LINGO1: variants seen among roughly 807,000 people sequenced by gnomAD.
LINGO1 encodes the protein leucine-rich repeat and immunoglobulin-like domain-containing nogo receptor-interacting protein 1.
In LINGO1, 11 loss-of-function variants were observed where a neutral mutation model predicts 37.3. That is an observed-to-expected ratio of 0.29 (90% CI 0.19 to 0.49). LINGO1 has a LOEUF of 0.49. LINGO1 is among the 20% of genes least tolerant of loss of function. The probability of loss-of-function intolerance (pLI) is 0.99; values close to 1 mark genes in which losing one functional copy is unlikely to be tolerated. For synonymous variants in LINGO1, 387 were observed against 403.0 expected (o/e 0.96, Z 0.48); for missense variants, 585 against 878.2 (o/e 0.67, Z 4.22).
chr15:77,642,034 G>C (rs2074518779), intron 3 of LINGO1: 1 of 456,192 alleles, frequency 2.2e-6, no homozygotes, highest in South Asian at 1.5e-5. Context: ...GGAGGGTTGT[G>C]GGAAGGGTTC....
intron 3 of LINGO1, among the ~76,000 whole-genome samples, chr15:77,645,944 G>A (rs1359832798): frequency 3.3e-5 from 5 of 152,214 alleles, no homozygotes; most frequent in African/African-American, 1.2e-4. Context: ...CGGTGTGGCT[G>A]GCAGCCCAGG....
At position 77,764,646 on chromosome 15, in the gene LINGO1, G is replaced by C. The variant is rs140316204; in HGVS notation, c.-257+22223C>G. ...CCACAATCCTTCACTCATTAAGTTG[G>C]TGGACAGCTAAAAAGCCAGAGAGTG... On this transcript the variant is annotated intron_variant, in intron 1 of 3. Transcript: ENST00000561686. Among the ~76,000 whole-genome samples, 25 of 152,302 alleles carry C rather than the reference G, an allele frequency of 1.6e-4. No homozygotes were observed. In the East Asian group the frequency reaches 4.6e-3, roughly 28 times the overall value.
chr15:77,748,984 T>C (rs941195882), intron 1 of LINGO1, among the ~76,000 whole-genome samples: 5 of 147,012 alleles, frequency 3.4e-5, no homozygotes, highest in Non-Finnish European at 7.4e-5. Flanking sequence ...ATTGGCTCAC[T>C]GCAACCTCTG....
chr15:77,794,354 ATATATGTGTATATACATACG>A (rs1274228488), intron 2 of LINGO1, among the ~76,000 whole-genome samples: 1 of 103,112 alleles, frequency 9.7e-6, no homozygotes, highest in Non-Finnish European at 1.9e-5. Flanking sequence ...ATATATACGT[ATATATGTGTATATACATACG>A]TATATGTATA....
intron 3 of LINGO1, among the ~76,000 whole-genome samples, chr15:77,656,318 ACTCT>A (rs533605352): frequency 2.5e-3 from 377 of 147,848 alleles, no homozygotes; most frequent in African/African-American, 9.2e-3. Context: ...GCTGCCTCTG[ACTCT>A]CTCTCTCTCC....
intron 1 of LINGO1, among the ~76,000 whole-genome samples, chr15:77,626,623 C>T (rs1348281683): frequency 6.6e-6 from 1 of 152,208 alleles, no homozygotes; most frequent in Non-Finnish European, 1.5e-5. Flanking sequence ...GAACTGGCAC[C>T]TCTGCAAATC....
upstream of LINGO1, among the ~76,000 whole-genome samples, chr15:77,636,656 A>G (rs1371442544): frequency 6.6e-6 from 1 of 152,022 alleles, no homozygotes; most frequent in African/African-American, 2.4e-5. Flanking sequence ...CCCTGGGCCA[A>G]AGTTTCCCCA....
chr15:77,626,787 C>T (rs747415184), intron 1 of LINGO1, among the ~76,000 whole-genome samples: 1 of 152,080 alleles, frequency 6.6e-6, no homozygotes, highest in African/African-American at 2.4e-5. Flanking sequence ...AGGTCTGCCT[C>T]GGTAGTAAGT....
At chr15:77,777,589 C>T (rs1382512341) in intron 1 of LINGO1, among the ~76,000 whole-genome samples, 6 of 152,086 alleles carry the variant, frequency 3.9e-5, no homozygotes, top group African/African-American at 1.4e-4. Context: ...TGTAACAAAT[C>T]GCCACACACT....
At chr15:77,808,458 C>A (rs879320697) in intron 1 of LINGO1, among the ~76,000 whole-genome samples, 1 of 152,164 alleles carries the variant, frequency 6.6e-6, no homozygotes, top group Non-Finnish European at 1.5e-5. Context: ...GCCCTAGACC[C>A]GAATGCTGGC....
In LINGO1 at chr15:77,614,718, C is replaced by T. The variant is rs774411634; in HGVS notation, c.1189G>A (p.Ala397Thr). 9.3e-6 allele frequency: 15 copies of T among 1,607,218 alleles called. No homozygotes were observed. The highest frequency in any genetic ancestry group is 6.7e-5 in the African/African-American group (5 of 74,810). The stretch of plus-strand genomic sequence containing the variant: ...TTGCCCTGGACAAACTCGGGCGTGG[C>T]GCACGTGGGCTGCTGCCGGTTGAAG... ...LNFNRQQPTC[A>T]TPEFVQGKEF... Residue 397 changes from alanine to threonine, a missense_variant, in exon 2 of 2, where the codon GCC becomes ACC. Ala to Thr is a moderately conservative substitution (Grantham distance 58). Coordinates refer to ENST00000355300, the MANE Select transcript of LINGO1 (RefSeq NM_032808.7).
At chr15:77,798,196 T>A (rs559655670) in intron 1 of LINGO1, among the ~76,000 whole-genome samples, 13 of 152,120 alleles carry the variant, frequency 8.5e-5, no homozygotes, top group Admixed American at 6.5e-4. Flanking sequence ...GACACAGGGG[T>A]AGCAGAGCCT....
At chr15:77,753,487 G>T (rs935573596) in intron 1 of LINGO1, among the ~76,000 whole-genome samples, 11 of 152,214 alleles carry the variant, frequency 7.2e-5, no homozygotes, top group African/African-American at 2.7e-4. Flanking sequence ...CCCTCCCTGG[G>T]GCTGGTGGGC....
At chr15:77,724,140 C>T (rs1393142217) in intron 2 of LINGO1, among the ~76,000 whole-genome samples, 3 of 152,198 alleles carry the variant, frequency 2.0e-5, no homozygotes, top group Non-Finnish European at 4.4e-5. Flanking sequence ...GGGCCCCTTC[C>T]TCTTATCCAA....
In LINGO1 at chr15:77,618,232, C is replaced by T. The variant is rs139240517; in HGVS notation, c.7-2332G>A. Among the ~76,000 whole-genome samples the T allele has an allele frequency of 9.8e-5, 15 of 152,354 alleles. No homozygotes were observed. The East Asian group carries it at 2.5e-3, about 25-fold the overall frequency. On this transcript the variant is annotated intron_variant, in intron 1 of 1. Coordinates refer to ENST00000355300, the MANE Select transcript of LINGO1 (RefSeq NM_032808.7). ...GGGCTAGTGAGGACACGGGCCACCC[C>T]GAGGTGCTGGTAAGCCCCTCTTATA... is the stretch of plus-strand genomic sequence containing the variant.
chr15:77,812,695 A>G (rs11072676), intron 1 of LINGO1, among the ~76,000 whole-genome samples: 111,302 of 152,198 alleles, frequency 0.73, 41,284 homozygotes, highest in African/African-American at 0.78. Context: ...GGCCAGGCTC[A>G]CCTCCGTGGA....
intron 1 of LINGO1, among the ~76,000 whole-genome samples, chr15:77,628,571 G>T (rs2074161056): frequency 6.6e-6 from 1 of 152,176 alleles, no homozygotes; most frequent in Non-Finnish European, 1.5e-5. Flanking sequence ...ACATAATTTA[G>T]AGTAGTCATT....
chr15:77,803,451 AACAG>A (rs1345105063), intron 1 of LINGO1, among the ~76,000 whole-genome samples: 2 of 151,754 alleles, frequency 1.3e-5, no homozygotes, highest in Admixed American at 1.3e-4. Context: ...TCTCCAAACA[AACAG>A]ACAAACAAAA....
intron 1 of LINGO1, among the ~76,000 whole-genome samples, chr15:77,745,350 C>T (rs1291876440): frequency 1.4e-5 from 2 of 147,338 alleles, no homozygotes; most frequent in African/African-American, 5.0e-5. Flanking sequence ...GGCGTGAACC[C>T]GGGAGGTGGA....
Sources: gnomAD v4.1 joint callset for allele counts (sites outside exome capture counted in the v4.1 genomes callset) on GRCh38, gnomAD v4.1.1 for gene constraint, MANE v1.5 for transcripts, NCBI Gene and HGNC (gene_info 2026-07-23, HGNC 2026-07-21) for gene names.